FRMPD4: variants seen among roughly 807,000 people sequenced by gnomAD.
The protein encoded by FRMPD4 is FERM and PDZ domain containing 4, also known as FERM and PDZ domain-containing protein 4.
A neutral mutation model predicts 94.1 loss-of-function variants in FRMPD4; 22 were observed. The observed-to-expected ratio is 0.23, with a 90% CI of 0.17 to 0.33. The LOEUF (loss-of-function observed/expected upper bound fraction) is 0.33. Ranked by LOEUF, FRMPD4 falls within the 10% of genes least tolerant of loss-of-function variation. FRMPD4 has a pLI of 1.00. For synonymous variants in FRMPD4, 631 were observed against 548.6 expected, an observed-to-expected ratio of 1.15 and a Z score of -2.10; for missense variants, 1,111 against 1,339.9, an observed-to-expected ratio of 0.83 and a Z score of 2.67.
At chrX:12,575,062 C>T (rs1387534206) in intron 2 of FRMPD4, among the ~76,000 whole-genome samples, 3 of 111,586 alleles carry the variant, frequency 2.7e-5, no homozygotes, top group African/African-American at 6.5e-5. Context: ...CTGCCAGTCC[C>T]TTGGCCATCT....
intron 1 of FRMPD4, among the ~76,000 whole-genome samples, chrX:12,444,594 G>A (rs1481361911): frequency 8.9e-6 from 1 of 111,904 alleles, no homozygotes; most frequent in Non-Finnish European, 1.9e-5. Flanking sequence ...GAATTGCCTA[G>A]AATACTGGGT....
chrX:12,055,735 TA>T (rs1479239628), intron 3 of FRMPD4, among the ~76,000 whole-genome samples: 1 of 111,850 alleles, frequency 8.9e-6, no homozygotes, highest in African/African-American at 3.3e-5. Flanking sequence ...TTTTAGTTCA[TA>T]AAAGGCCACA....
chrX:12,234,708 A>G (rs766729743), intron 1 of FRMPD4, among the ~76,000 whole-genome samples: 90 of 112,401 alleles, frequency 8.0e-4, no homozygotes, highest in Non-Finnish European at 2.8e-4. Flanking sequence ...TATATTCTAT[A>G]TAACACTTTT....
chrX:12,242,386 GTCTCTATTACT>G (rs1229699184), intron 1 of FRMPD4, among the ~76,000 whole-genome samples: 2 of 111,633 alleles, frequency 1.8e-5, no homozygotes, highest in Non-Finnish European at 3.8e-5. Context: ...CATGCAAGGA[GTCTCTATTACT>G]TTATTTTAAA....
intron 3 of FRMPD4, among the ~76,000 whole-genome samples, chrX:12,083,234 C>T (rs7877393): frequency 8.9e-6 from 1 of 112,516 alleles, no homozygotes; most frequent in Non-Finnish European, 1.9e-5. Flanking sequence ...TGGTGCCCTG[C>T]GTCCCAGCCA....
intron 2 of FRMPD4, among the ~76,000 whole-genome samples, chrX:12,508,930 T>G (rs1266691907): frequency 1.1e-5 from 1 of 95,138 alleles, no homozygotes; most frequent in Non-Finnish European, 2.0e-5. Flanking sequence ...AGGTGGAGAT[T>G]GCAGTGAGCT....
chrX:12,063,479 A>G (rs983526497), intron 3 of FRMPD4, among the ~76,000 whole-genome samples: 15 of 113,399 alleles, frequency 1.3e-4, no homozygotes, highest in African/African-American at 4.8e-4. Flanking sequence ...TTATCTACTG[A>G]AAAGATAATA....
chrX:12,079,896 G>A (rs1377725229), intron 3 of FRMPD4, among the ~76,000 whole-genome samples: 1 of 112,509 alleles, frequency 8.9e-6, no homozygotes, highest in Non-Finnish European at 1.9e-5. Context: ...AAACATGAAT[G>A]TCTCTTTACA....
Position 12,065,072 on chromosome X carries a change from G to C in FRMPD4, c.95+187054G>C, listed in dbSNP as rs73499331. ...AATTAAGCTTGTGTAGTTTGTTAAA[G>C]GATGTAAAGATTCCTACTTGCAAAT... On this transcript the variant is annotated intron_variant, in intron 3 of 18. Coordinates refer to the FRMPD4 transcript ENST00000640291. Among the ~76,000 whole-genome samples, 584 of 112,317 alleles carry C rather than the reference G, an allele frequency of 5.2e-3. 4 individuals are homozygous for C. The highest frequency in any genetic ancestry group is 0.018 in the African/African-American group (550 of 31,006).
chrX:12,543,075 T>C (rs1426355061), intron 2 of FRMPD4, among the ~76,000 whole-genome samples: 3 of 111,914 alleles, frequency 2.7e-5, no homozygotes, highest in Non-Finnish European at 5.6e-5. Flanking sequence ...TTACACCTTG[T>C]ACAAAAATTA....
Position 12,234,949 on chromosome X carries a change from G to A in FRMPD4, c.41+95937G>A, listed in dbSNP as rs763205094. Among the ~76,000 whole-genome samples the A allele has an allele frequency of 2.7e-5, 3 of 111,857 alleles. No homozygotes were observed. In the South Asian group the frequency reaches 1.1e-3, roughly 42 times the overall value. The stretch of plus-strand genomic sequence containing the variant: ...AGCAGCAGAATGATCTGCCCTTGTG[G>A]TATCTCATTTTGAGCGTTTGTTTAT... On this transcript the variant is annotated intron_variant, in intron 1 of 16. Coordinates refer to ENST00000675598, the MANE Select transcript of FRMPD4 (RefSeq NM_001368397.1).
intron 3 of FRMPD4, among the ~76,000 whole-genome samples, chrX:12,058,165 G>A (rs2054865312): frequency 9.0e-6 from 1 of 111,555 alleles, no homozygotes; most frequent in Admixed American, 9.6e-5. Context: ...TGTGACTAAA[G>A]TCTGTCCATG....
At chrX:11,965,080 C>T (rs975620971) in intron 3 of FRMPD4, among the ~76,000 whole-genome samples, 1 of 112,388 alleles carries the variant, frequency 8.9e-6, no homozygotes, top group Non-Finnish European at 1.9e-5. Flanking sequence ...GGCTAATGTC[C>T]CTATTGTAAG....
chrX:11,933,733 T>C (rs1016026655), intron 3 of FRMPD4, among the ~76,000 whole-genome samples: 2 of 112,218 alleles, frequency 1.8e-5, no homozygotes, highest in African/African-American at 6.5e-5. Context: ...GGTGACGTTA[T>C]TGAGGCTGGC....
intron 1 of FRMPD4, among the ~76,000 whole-genome samples, chrX:12,162,811 T>C (rs1000919679): frequency 1.8e-5 from 2 of 111,674 alleles, no homozygotes; most frequent in Non-Finnish European, 3.8e-5. Context: ...GATTCTTTAA[T>C]GGCCAAACAT....
At chrX:12,280,035 A>G (rs2054499140) in intron 1 of FRMPD4, among the ~76,000 whole-genome samples, 1 of 110,599 alleles carries the variant, frequency 9.0e-6, no homozygotes, top group Non-Finnish European at 1.9e-5. Flanking sequence ...TGGCTTTACA[A>G]ATGGAAAATA....
At chrX:12,085,206 C>T (rs2055097521) in intron 3 of FRMPD4, among the ~76,000 whole-genome samples, 1 of 111,787 alleles carries the variant, frequency 8.9e-6, no homozygotes, top group Admixed American at 9.5e-5. Context: ...GTGGATCTAC[C>T]ATACGGCAAT....
At chrX:12,290,922 T>C (rs2054677046) in intron 1 of FRMPD4, among the ~76,000 whole-genome samples, 1 of 111,333 alleles carries the variant, frequency 9.0e-6, no homozygotes, top group South Asian at 3.8e-4. Flanking sequence ...TGTTATGGCT[T>C]GTTTTGGAAG....
At chrX:12,476,091 G>A (rs1234698488) in intron 1 of FRMPD4, among the ~76,000 whole-genome samples, 1 of 111,714 alleles carries the variant, frequency 9.0e-6, no homozygotes, top group Non-Finnish European at 1.9e-5. Flanking sequence ...AACCAAAACA[G>A]CATGGTACTG....
Sources: gnomAD v4.1 joint callset for allele counts (sites outside exome capture counted in the v4.1 genomes callset) on GRCh38, gnomAD v4.1.1 for gene constraint, MANE v1.5 for transcripts, NCBI Gene and HGNC (gene_info 2026-07-23, HGNC 2026-07-21) for gene names.